The following RMDN2 variants were observed in gnomAD, a reference collection of about 807,000 sequenced individuals.
RMDN2 encodes regulator of microtubule dynamics 2, also known as regulator of microtubule dynamics protein 2.
RMDN2 carries 61 observed loss-of-function variants against 52.8 expected under a neutral mutation model. The ratio of observed to expected loss-of-function variants is 1.16; its 90% confidence interval spans 0.94 to 1.43. The LOEUF (loss-of-function observed/expected upper bound fraction) is 1.43. Among genes scored for constraint, RMDN2 ranks in the 40% most tolerant of loss-of-function variants. The probability of loss-of-function intolerance (pLI) is 0.00; values close to 1 mark genes in which losing one functional copy is unlikely to be tolerated. For synonymous variants in RMDN2, 180 were observed against 153.1 expected (o/e 1.18, Z -1.30); for missense variants, 592 against 475.3 (o/e 1.25, Z -2.28).
intron 2 of RMDN2, chr2:37,950,243 T>G (rs373638561): frequency 4.2e-5 from 18 of 430,284 alleles, no homozygotes; most frequent in Admixed American, 1.7e-4. Flanking sequence ...GGTAAAGGAT[T>G]GTACAGCTGT....
intron 7 of RMDN2, 44 bp downstream of exon 7, chr2:37,991,341 A>G (rs1674763719): frequency 4.1e-6 from 4 of 965,854 alleles, no homozygotes; most frequent in Middle Eastern, 3.1e-4. Context: ...TGAATATACT[A>G]TGATTATAGG....
At chr2:37,986,033 A>C (rs1673969227) in intron 5 of RMDN2, among the ~76,000 whole-genome samples, 2 of 152,208 alleles carry the variant, frequency 1.3e-5, no homozygotes, top group Non-Finnish European at 2.9e-5. Context: ...GTACTATGAG[A>C]ATTTTTTTGT....
intron 5 of RMDN2, among the ~76,000 whole-genome samples, chr2:37,988,206 G>A (rs771615259): frequency 6.6e-6 from 1 of 152,118 alleles, no homozygotes; most frequent in South Asian, 2.1e-4. Flanking sequence ...AAGAACATAG[G>A]CCTGAGGCAA....
At chr2:38,002,723 G>T (rs1463302676) in intron 8 of RMDN2, 2 of 152,196 alleles carry the variant, frequency 1.3e-5, no homozygotes, top group Non-Finnish European at 2.9e-5. Flanking sequence ...TTACCTCTGT[G>T]GCATGAGCCT....
intron 2 of RMDN2, among the ~76,000 whole-genome samples, chr2:37,940,208 C>T (rs1365921629): frequency 6.6e-6 from 1 of 152,154 alleles, no homozygotes; most frequent in East Asian, 1.9e-4. Context: ...TAAATATTTA[C>T]CCCCACTCTC....
intron 2 of RMDN2, among the ~76,000 whole-genome samples, chr2:37,935,710 TACATATCATTATATGGCACAC>T (rs1179680261): frequency 2.6e-5 from 4 of 152,218 alleles, no homozygotes; most frequent in Admixed American, 1.3e-4. Flanking sequence ...AAAATTTACA[TACATATCATTATATGGCACAC>T]ACATTTTGTA....
intron 10 of RMDN2, among the ~76,000 whole-genome samples, chr2:38,015,228 G>A (rs1678585867): frequency 6.6e-6 from 1 of 152,166 alleles, no homozygotes. Flanking sequence ...AGATTACAGA[G>A]AAAGACAGGT....
At chr2:38,065,289 C>T (rs910991424) in intron 10 of RMDN2, among the ~76,000 whole-genome samples, 5 of 151,402 alleles carry the variant, frequency 3.3e-5, no homozygotes, top group South Asian at 2.1e-4. Flanking sequence ...TGCTGGAACA[C>T]GCAAACAAAA....
At chr2:38,058,840 G>GC (rs1681937943) in intron 10 of RMDN2, among the ~76,000 whole-genome samples, 2 of 152,100 alleles carry the variant, frequency 1.3e-5, no homozygotes, top group South Asian at 2.1e-4. Flanking sequence ...ATTGGAAAAC[G>GC]CAAATCTCTC....
intron 10 of RMDN2, among the ~76,000 whole-genome samples, chr2:38,059,771 G>A (rs1367696): frequency 0.35 from 53,803 of 152,124 alleles, 9,910 homozygotes; most frequent in South Asian, 0.49. Flanking sequence ...GGGCAGGTCT[G>A]TATGATGACC....
downstream of RMDN2, among the ~76,000 whole-genome samples, chr2:38,017,957 TG>T (rs112260862): frequency 0.092 from 14,032 of 152,164 alleles, 786 homozygotes; most frequent in African/African-American, 0.15. Context: ...GGTAACAAGG[TG>T]CTCATTGCAG....
intron 8 of RMDN2, among the ~76,000 whole-genome samples, chr2:38,003,543 A>G (rs539666211): frequency 9.7e-6 from 1 of 103,204 alleles, no homozygotes; most frequent in Admixed American, 1.1e-4. Flanking sequence ...ACAAAGCAAG[A>G]CCTGATAGAT....
chr2:38,059,151 C>A (rs2125306547), intron 10 of RMDN2, among the ~76,000 whole-genome samples: 1 of 152,316 alleles, frequency 6.6e-6, no homozygotes, highest in East Asian at 1.9e-4. Context: ...CCACTATCCC[C>A]ATGTGGCTTC....
At chr2:38,050,818 G>A (rs1222202696) in intron 10 of RMDN2, among the ~76,000 whole-genome samples, 1 of 152,204 alleles carries the variant, frequency 6.6e-6, no homozygotes, top group Non-Finnish European at 1.5e-5. Flanking sequence ...GAGTGCGGTG[G>A]CACGATCTCA....
upstream of RMDN2, among the ~76,000 whole-genome samples, chr2:37,921,184 A>T (rs554364166): frequency 2.6e-5 from 4 of 152,352 alleles, no homozygotes; most frequent in South Asian, 8.3e-4. Context: ...GTATAGGAGT[A>T]TTAGGCCAAC....
intron 2 of RMDN2, among the ~76,000 whole-genome samples, chr2:37,940,022 G>A (rs969806502): frequency 6.6e-6 from 1 of 152,198 alleles, no homozygotes; most frequent in South Asian, 2.1e-4. Flanking sequence ...TCTGGTACCA[G>A]TTTTTCCTTT....
At chr2:38,009,035 C>A (rs1384288831) in intron 10 of RMDN2, among the ~76,000 whole-genome samples, 2 of 152,206 alleles carry the variant, frequency 1.3e-5, no homozygotes, top group Non-Finnish European at 2.9e-5. Context: ...TATTGGCCCC[C>A]ACTCTCTTCT....
chr2:38,008,009 A>C (rs982860038), intron 10 of RMDN2, among the ~76,000 whole-genome samples: 10 of 151,884 alleles, frequency 6.6e-5, no homozygotes, highest in African/African-American at 2.2e-4. Flanking sequence ...CATGTATTTG[A>C]GGGGTTTTGA....
At chr2:38,042,529 T>C (rs1207432407) in intron 10 of RMDN2, among the ~76,000 whole-genome samples, 7 of 152,102 alleles carry the variant, frequency 4.6e-5, no homozygotes, top group Non-Finnish European at 7.4e-5. Flanking sequence ...TCTAATTTTT[T>C]TTTTCTGCTT....
Sources: gnomAD v4.1 joint callset for allele counts (sites outside exome capture counted in the v4.1 genomes callset) on GRCh38, gnomAD v4.1.1 for gene constraint, MANE v1.5 for transcripts, NCBI Gene and HGNC (gene_info 2026-07-23, HGNC 2026-07-21) for gene names.